The following ABCF1 variants were observed in gnomAD, a reference collection of about 807,000 sequenced individuals.
The protein encoded by ABCF1 is ATP binding cassette subfamily F member 1.
ABCF1 carries 73 observed loss-of-function variants against 126.3 expected under a neutral mutation model. The observed-to-expected ratio is 0.58, with a 90% CI of 0.48 to 0.70. ABCF1 has a LOEUF of 0.70. ABCF1 is among the 30% of genes least tolerant of loss of function. The pLI, the probability that ABCF1 is intolerant of heterozygous loss-of-function variation, is 0.00. For synonymous variants in ABCF1, 345 were observed against 396.4 expected, an observed-to-expected ratio of 0.87 and a Z score of 1.54; for missense variants, 786 against 1,057.5, an observed-to-expected ratio of 0.74 and a Z score of 3.56.
rs755917050 is a variant in ABCF1, at chr6:30,583,239, T to C, written c.915+51T>C. The stretch of plus-strand genomic sequence containing the variant: ...GTCCACTTACCTAGGGAAGAGCCAG[T>C]TCTCTCATCTTCCCTGAGTGGCTGT... On this transcript the variant is annotated intron_variant, in intron 10 of 24. Transcript: ENST00000326195. This position sits in a 1 kb window ranked among gnomAD's most constrained non-coding sequence, Gnocchi z 4.1. 12 of 1,565,214 alleles carry C rather than the reference T, an allele frequency of 7.7e-6. No homozygotes were observed. The highest frequency in any genetic ancestry group is 1.0e-5 in the Non-Finnish European group (12 of 1,149,598).
rs564570196 is a variant in ABCF1, at chr6:30,584,676, C to T, written c.1391+110C>T. 29 of 1,361,198 alleles carry T rather than the reference C, an allele frequency of 2.1e-5. No homozygotes were observed. The highest frequency in any genetic ancestry group is 2.9e-5 in the Non-Finnish European group (29 of 1,011,130). The allele number at this position is 1,361,198 out of a possible 1,614,324, so 84.3% of individuals were successfully genotyped here. The stretch of plus-strand genomic sequence containing the variant: ...CAATAGGGAGGCTCAAGGCTTACCT[C>T]TCCCTCCTTACTATCTGTGTTGTGA... On this transcript the variant is annotated intron_variant, in intron 14 of 24. Coordinates refer to ENST00000326195, the MANE Select transcript of ABCF1 (RefSeq NM_001025091.2). The surrounding 1 kb of genome is among the most constrained non-coding windows in gnomAD (Gnocchi z 4.6).
At position 30,583,540 on chromosome 6, in the gene ABCF1, C is replaced by T; in HGVS notation, c.916-68C>T. ...CCCTGCAGGGAGAAAGTGGCCGCTC[C>T]TGTCCCAAAGGGAGAATTTTCATGT... is the stretch of plus-strand genomic sequence containing the variant. On this transcript the variant is annotated intron_variant, in intron 10 of 24. Coordinates refer to ENST00000326195, the MANE Select transcript of ABCF1 (RefSeq NM_001025091.2). The surrounding 1 kb of genome is among the most constrained non-coding windows in gnomAD (Gnocchi z 4.1). 1 of 1,538,924 alleles carries T rather than the reference C, an allele frequency of 6.5e-7. No individual in the cohort carries two copies.
chr6:30,573,750 C>T (rs1446158466), intron 1 of ABCF1, among the ~76,000 whole-genome samples: 1 of 152,206 alleles, frequency 6.6e-6, no homozygotes, highest in Non-Finnish European at 1.5e-5. Flanking sequence ...CCAAAAAATA[C>T]TTTGTGGTTT....
At chr6:30,579,556 C>T (rs1166489939) in intron 6 of ABCF1, among the ~76,000 whole-genome samples, 1 of 146,768 alleles carries the variant, frequency 6.8e-6, no homozygotes, top group Non-Finnish European at 1.5e-5. Flanking sequence ...CTCCCGGGTT[C>T]AAGTGATTCT....
intron 9 of ABCF1, among the ~76,000 whole-genome samples, 197 bp downstream of exon 9, chr6:30,582,704 T>G (rs1242719875): frequency 6.6e-6 from 1 of 152,192 alleles, no homozygotes; most frequent in Non-Finnish European, 1.5e-5. Context: ...GTTTTTTGTT[T>G]ATTTTTTGAG....
Position 30,583,515 on chromosome 6 carries a change from C to T in ABCF1, c.916-93C>T. 2 of 1,347,840 alleles carry T rather than the reference C, an allele frequency of 1.5e-6. 1 individual carries two copies. The highest frequency in any genetic ancestry group is 2.4e-5 in the South Asian group (2 of 82,156). The allele number at this position is 1,347,840 out of a possible 1,614,324, so 83.5% of individuals were successfully genotyped here. A position where few individuals can be genotyped will look rare whatever the true frequency, so the allele number is the denominator to read the frequency against. On this transcript the variant is annotated intron_variant, in intron 10 of 24. Coordinates refer to ENST00000326195, the MANE Select transcript of ABCF1 (RefSeq NM_001025091.2). This position sits in a 1 kb window ranked among gnomAD's most constrained non-coding sequence, Gnocchi z 4.1. ...GGAGGTAGCGGTTTGTCAGAGGCTT[C>T]CCTGCAGGGAGAAAGTGGCCGCTCC...
At position 30,591,187 on chromosome 6, in the gene ABCF1, A is replaced by T. The variant is rs966451249; in HGVS notation, c.*486A>T. 1 of 154,870 alleles carries T rather than the reference A, an allele frequency of 6.5e-6. No homozygotes were observed. The highest frequency in any genetic ancestry group is 1.4e-5 in the Non-Finnish European group (1 of 69,972). 9.6% of individuals were successfully genotyped at this position (154,870 alleles called of 1,614,324 possible). The stretch of plus-strand genomic sequence containing the variant: ...GTGAGCTTCTGAGGCCTTTGCCATT[A>T]TCCAGCCCAAGATTTGGTGCCTGCA... On this transcript the variant is annotated 3_prime_UTR_variant, in exon 25 of 25. Coordinates refer to ENST00000326195, the MANE Select transcript of ABCF1 (RefSeq NM_001025091.2).
chr6:30,577,593 T>C (rs1801570601), intron 2 of ABCF1, 138 bp downstream of exon 2: 1 of 1,159,796 alleles, frequency 8.6e-7, no homozygotes, highest in African/African-American at 1.6e-5. Flanking sequence ...GCACGGTGGC[T>C]TACACCTGTA....
In ABCF1 at chr6:30,585,381, C is replaced by T. The variant is rs777764176; in HGVS notation, c.1475+38C>T. 1.4e-5 allele frequency: 22 copies of T among 1,602,290 alleles called. No homozygotes were observed. The South Asian group carries it at 2.3e-4, about 17-fold the overall frequency. ...CTTTGCATCATTGGTTCCCATTCTG[C>T]ACTTTCTTCCCCTTCCCTCCCTGCC... is the stretch of plus-strand genomic sequence containing the variant. On this transcript the variant is annotated intron_variant, in intron 15 of 24. Coordinates refer to ENST00000326195, the MANE Select transcript of ABCF1 (RefSeq NM_001025091.2).
In ABCF1 at chr6:30,574,707, TTTTG is replaced by T. The variant is rs1308587700; in HGVS notation, c.74-2694_74-2691del. Among the ~76,000 whole-genome samples, 2 of 152,160 alleles carry T rather than the reference TTTTG, an allele frequency of 1.3e-5. No individual in the cohort carries two copies. Among genetic ancestry groups the T allele is most frequent in the African/African-American group, 4.8e-5 (2 of 41,430 alleles). Reference sequence around the variant, plus strand: ...GGCTCAGATTTTTTTTCTTTAACTTTTTTGTTTGTTTTTTGTGGTTTGTTTTTTG... The same window carrying T: ...GGCTCAGATTTTTTTTCTTTAACTTTTTTGTTTTTTGTGGTTTGTTTTTTG... On this transcript the variant is annotated intron_variant, in intron 1 of 24. Coordinates refer to ENST00000326195, the MANE Select transcript of ABCF1 (RefSeq NM_001025091.2). The surrounding 1 kb of genome is among the most constrained non-coding windows in gnomAD (Gnocchi z 4.3).
chr6:30,581,956 C>G (rs1031046634), intron 8 of ABCF1, among the ~76,000 whole-genome samples: 2 of 151,944 alleles, frequency 1.3e-5, no homozygotes, highest in African/African-American at 4.8e-5. Flanking sequence ...GAGAGGATCC[C>G]AAGATATTTT....
rs1198766682 is a variant in ABCF1 at position 30,584,968 on chromosome 6, T to C, written c.1392-292T>C. On this transcript the variant is annotated intron_variant, in intron 14 of 24. Coordinates refer to ENST00000326195, the MANE Select transcript of ABCF1 (RefSeq NM_001025091.2). The surrounding 1 kb of genome is among the most constrained non-coding windows in gnomAD (Gnocchi z 4.6). Reference sequence around the variant, plus strand: ...AAAAAATTTAAAGATCAGCTGGATATGGTGGCGCACGCTGTGGTCACAGCT... The same window carrying C: ...AAAAAATTTAAAGATCAGCTGGATACGGTGGCGCACGCTGTGGTCACAGCT... Among the ~76,000 whole-genome samples, 1 of 152,062 alleles carries C rather than the reference T, an allele frequency of 6.6e-6. No homozygotes were observed.
rs775419188 is a variant in ABCF1, at chr6:30,584,142, G to A, written c.1103-50G>A. On this transcript the variant is annotated intron_variant, in intron 12 of 24. Transcript: ENST00000326195. This position sits in a 1 kb window ranked among gnomAD's most constrained non-coding sequence, Gnocchi z 4.6. ...AATGTAATTGAAGGGAAAGAAAGAT[G>A]AGACTCTTGGCTCTTGAGGCTGCCT... 8 of 1,576,686 alleles carry A rather than the reference G, an allele frequency of 5.1e-6. No individual in the cohort carries two copies. Among genetic ancestry groups the A allele is most frequent in the African/African-American group, 1.4e-5 (1 of 73,686 alleles).
intron 6 of ABCF1, 44 bp from the exon 7 acceptor site, chr6:30,579,887 T>A (rs763834370): frequency 3.8e-5 from 60 of 1,584,380 alleles, no homozygotes. Flanking sequence ...AGTAGCACAA[T>A]AATTTGTATG....
chr6:30,571,593 A>AG, intron 1 of ABCF1, 33 bp downstream of exon 1: 3 of 1,598,068 alleles, frequency 1.9e-6, no homozygotes, highest in Admixed American at 1.7e-5. Flanking sequence ...AAACGAGCAG[A>AG]GGGGGAAGAG....
rs759275452 is a variant in ABCF1 at position 30,578,407 on chromosome 6, C to T, written c.381+22C>T. 1.5e-5 allele frequency: 24 copies of T among 1,613,970 alleles called. No homozygotes were observed. The South Asian group carries it at 2.0e-4, about 13-fold the overall frequency. ...CAAGGTAAGCCATCTGTGTGGTAAA[C>T]GGAGACTCCAAGGATGCAACCTTGA... On this transcript the variant is annotated intron_variant, in intron 5 of 24. Coordinates refer to ENST00000326195, the MANE Select transcript of ABCF1 (RefSeq NM_001025091.2).
At position 30,586,791 on chromosome 6, in the gene ABCF1, C is replaced by A; in HGVS notation, c.2031+80C>A. The A allele has an allele frequency of 6.8e-7, 1 of 1,472,444 alleles. No individual in the cohort carries two copies. Among genetic ancestry groups the A allele is most frequent in the Non-Finnish European group, 9.4e-7 (1 of 1,061,048 alleles). 91.2% of individuals were successfully genotyped at this position (1,472,444 alleles called of 1,614,324 possible). A position where few individuals can be genotyped will look rare whatever the true frequency, so the allele number is the denominator to read the frequency against. On this transcript the variant is annotated intron_variant, in intron 20 of 24. Transcript: ENST00000326195. This position sits in a 1 kb window ranked among gnomAD's most constrained non-coding sequence, Gnocchi z 4.9. ...TTTGCCAGAAGCTGGAATCAGGGAG[C>A]CTCTCGAGAATGTAGAGTTAAATAC... is the stretch of plus-strand genomic sequence containing the variant.
intron 20 of ABCF1, among the ~76,000 whole-genome samples, chr6:30,588,392 C>T (rs1326363433): frequency 1.3e-5 from 2 of 151,842 alleles, no homozygotes; most frequent in African/African-American, 2.4e-5. Context: ...GACAGAGTCT[C>T]ACTCTGTCAC....
Position 30,583,733 on chromosome 6 carries a change from C to T in ABCF1, c.1016+25C>T. 5 of 1,612,012 alleles carry T rather than the reference C, an allele frequency of 3.1e-6. No individual in the cohort carries two copies. The highest frequency in any genetic ancestry group is 4.2e-6 in the Non-Finnish European group (5 of 1,179,136). On this transcript the variant is annotated intron_variant, in intron 11 of 24. Transcript: ENST00000326195. This position sits in a 1 kb window ranked among gnomAD's most constrained non-coding sequence, Gnocchi z 4.1. Reference sequence around the variant, plus strand: ...GGTGAGAAGAGGAGGGAGCTGGAGGCAAAAAAGGGCCTGGAGGGAAAAGAA... The same window carrying T: ...GGTGAGAAGAGGAGGGAGCTGGAGGTAAAAAAGGGCCTGGAGGGAAAAGAA...
Sources: allele counts gnomAD v4.1 joint callset (sites outside exome capture counted in the v4.1 genomes callset), GRCh38; gene constraint gnomAD v4.1.1; non-coding constraint Gnocchi (gnomAD v3.1); transcripts MANE v1.5; gene names NCBI Gene and HGNC (gene_info 2026-07-23, HGNC 2026-07-21).